HECTD4: variants seen among roughly 807,000 people sequenced by gnomAD.
The protein encoded by HECTD4 is HECT domain E3 ubiquitin protein ligase 4.
HECTD4 carries 114 observed loss-of-function variants against 471.5 expected under a neutral mutation model. The ratio of observed to expected loss-of-function variants is 0.24; its 90% CI spans 0.21 to 0.28. HECTD4 has a LOEUF of 0.28. HECTD4 is among the 10% of genes least tolerant of loss of function. HECTD4 has a pLI of 1.00. For missense variants in HECTD4, 3,866 were observed against 5,651.5 expected, an observed-to-expected ratio of 0.68 and a Z score of 10.13; for synonymous variants, 2,012 against 2,256.0, an observed-to-expected ratio of 0.89 and a Z score of 3.07.
At chr12:112,182,947 T>C (rs1009443013) in intron 62 of HECTD4, 112 bp downstream of exon 62, 1 of 746,128 alleles carries the variant, frequency 1.3e-6, no homozygotes, top group Non-Finnish European at 2.2e-6. Context: ...ATGCAAGATG[T>C]TAAAAATAGG....
intron 7 of HECTD4, among the ~76,000 whole-genome samples, chr12:112,286,166 A>C (rs1337045121): frequency 1.3e-5 from 2 of 152,248 alleles, no homozygotes; most frequent in Non-Finnish European, 2.9e-5. Flanking sequence ...TCCCTACTTT[A>C]GCAAAGGCGC....
chr12:112,278,410 T>A (rs2034569723), intron 9 of HECTD4, among the ~76,000 whole-genome samples: 1 of 152,226 alleles, frequency 6.6e-6, no homozygotes, highest in Admixed American at 6.5e-5. Flanking sequence ...TTATCCCATT[T>A]AACTATGTGT....
intron 1 of HECTD4, among the ~76,000 whole-genome samples, chr12:112,365,957 G>T (rs1053632078): frequency 1.3e-5 from 2 of 151,762 alleles, no homozygotes; most frequent in Admixed American, 1.3e-4. Flanking sequence ...TGTATTTTTA[G>T]TAGAGACCGG....
Position 112,184,763 on chromosome 12 carries a change from G to A in HECTD4, c.10203C>T (p.Ile3401=). The A allele has an allele frequency of 6.2e-7, 1 of 1,611,676 alleles. No individual in the cohort carries two copies. The highest frequency in any genetic ancestry group is 8.5e-7 in the Non-Finnish European group (1 of 1,178,344). The change falls in exon 61 of 76, where the codon ATC becomes ATT. Residue 3401 remains isoleucine, a synonymous_variant. Transcript: ENST00000682272. This position sits in a 1 kb window ranked among gnomAD's most constrained non-coding sequence, Gnocchi z 9.1. ...CGTCCAGGTGGGTGGGGATCCCGGA[G>A]ATCACCAGCAAGCGGCTGTGGGCGG... ...GPTAHSRLLV[I]SGIPTHLDEG...
intron 7 of HECTD4, among the ~76,000 whole-genome samples, chr12:112,293,703 G>A (rs73207641): frequency 0.087 from 13,282 of 152,230 alleles, 794 homozygotes; most frequent in South Asian, 0.31. Context: ...TGCTCCGTCC[G>A]TGGAAGGATG....
At chr12:112,359,674 C>T (rs1050503038) in intron 1 of HECTD4, among the ~76,000 whole-genome samples, 6 of 152,082 alleles carry the variant, frequency 3.9e-5, no homozygotes, top group Admixed American at 3.3e-4. Context: ...TCACCTTGGC[C>T]TCCCAAAGTG....
chr12:112,185,362 C>A lies in HECTD4; in HGVS notation c.9604G>T (p.Ala3202Ser). ...RHPAGLSSSI[A>S]LQLNPCLAML... is the part of the protein sequence containing the mutation. ...GCCAGGCAGGGGTTCAGCTGGAGGG[C>A]GATTGAGGAGGACAGGCCAGCGGGG... The change falls in exon 61 of 76, where the codon GCC becomes TCC. Residue 3202 changes from alanine (A) to serine (S), a missense_variant. Around this residue, in one of 16 missense-constraint regions of HECTD4, gnomAD observed 364 missense variants for 413.2 expected, o/e 0.88. Coordinates refer to ENST00000682272, the MANE Select transcript of HECTD4 (RefSeq NM_001388303.1). The A allele has an allele frequency of 6.2e-7, 1 of 1,607,626 alleles. No individual in the cohort carries two copies. Among genetic ancestry groups the A allele is most frequent in the Non-Finnish European group, 8.5e-7 (1 of 1,177,502 alleles).
Position 112,313,081 on chromosome 12 carries a change from T to A in HECTD4, c.852A>T (p.Ser284=). ...SCLLGGKHIV[S]WGYEDMLPAP... Reference sequence around the variant, plus strand: ...CAGGCAACATGTCTTCATAACCCCATGATACTATGTGTTTGCCCCCAAGCA... The same window carrying A: ...CAGGCAACATGTCTTCATAACCCCAAGATACTATGTGTTTGCCCCCAAGCA... The change falls in exon 4 of 76, where the codon TCA becomes TCT. Residue 284 remains serine (S), a synonymous_variant. Transcript: ENST00000682272. 6.5e-7 allele frequency: 1 copy of A among 1,535,782 alleles called. No individual in the cohort carries two copies. The highest frequency in any genetic ancestry group is 1.2e-5 in the South Asian group (1 of 84,058).
At chr12:112,376,456 C>T (rs1339181175) in intron 1 of HECTD4, among the ~76,000 whole-genome samples, 2 of 152,150 alleles carry the variant, frequency 1.3e-5, no homozygotes, top group African/African-American at 4.8e-5. Flanking sequence ...CCGTGTTAGC[C>T]AGGATGGTCT....
chr12:112,267,767 C>A (rs1454271814), intron 13 of HECTD4, among the ~76,000 whole-genome samples: 2 of 152,170 alleles, frequency 1.3e-5, no homozygotes, highest in Non-Finnish European at 2.9e-5. Flanking sequence ...CAAATGGCAT[C>A]AGAATCTTTT....
At position 112,381,116 on chromosome 12, in the gene HECTD4, TA is replaced by T. The variant is rs1394889076; in HGVS notation, c.177+835del. ...ACGACACTGCCAGTATTCCCACCTC[TA>T]GGCAAACACGAACCCAAGTGAAGTC... On this transcript the variant is annotated intron_variant, in intron 1 of 75. Transcript: ENST00000682272. This position sits in a 1 kb window ranked among gnomAD's most constrained non-coding sequence, Gnocchi z 4.1. Among the ~76,000 whole-genome samples, 2 of 152,152 alleles carry T rather than the reference TA, an allele frequency of 1.3e-5. No homozygotes were observed. Among genetic ancestry groups the T allele is most frequent in the Non-Finnish European group, 2.9e-5 (2 of 68,028 alleles).
In HECTD4 at chr12:112,169,609, C is replaced by T. The variant is rs1157397069; in HGVS notation, c.12102G>A (p.Gln4034=). 1.2e-6 allele frequency: 2 copies of T among 1,613,488 alleles called. No individual in the cohort carries two copies. Among genetic ancestry groups the T allele is most frequent in the Admixed American group, 1.7e-5 (1 of 60,008 alleles). The part of the protein sequence containing the change: ...ENSYFCQAAR[Q]LASVPSSQLC... ...GCTGAGACGACGGCACTGAGGCCAG[C>T]TGCCTGGCAGCCTGACAGAAGTAGG... The change falls in exon 70 of 76, where the codon CAG becomes CAA. Residue 4034 remains glutamine (Q), a synonymous_variant. Transcript: ENST00000682272.
intron 8 of HECTD4, among the ~76,000 whole-genome samples, chr12:112,282,389 C>T (rs550509516): frequency 1.3e-5 from 2 of 151,112 alleles, no homozygotes; most frequent in East Asian, 1.9e-4. Context: ...TCTCAAAAAA[C>T]AAAAACAAAA....
At chr12:112,168,356 T>C (rs2031066332) in intron 70 of HECTD4, among the ~76,000 whole-genome samples, 1 of 152,188 alleles carries the variant, frequency 6.6e-6, no homozygotes, top group East Asian at 1.9e-4. Flanking sequence ...CCTCCCCCAG[T>C]GCCCGGGCTC....
intron 60 of HECTD4, among the ~76,000 whole-genome samples, chr12:112,186,763 G>T (rs937291647): frequency 2.0e-5 from 3 of 151,584 alleles, no homozygotes. Flanking sequence ...CGCCTCCCAG[G>T]TTCAAGCAAT....
At chr12:112,212,677 A>T in intron 48 of HECTD4, 27 bp from the exon 49 acceptor site, 2 of 1,568,912 alleles carry the variant, frequency 1.3e-6, no homozygotes, top group South Asian at 2.3e-5. Context: ...GAAGGAAAAC[A>T]TATTTTCTCC....
intron 4 of HECTD4, among the ~76,000 whole-genome samples, chr12:112,312,520 TAAA>T (rs912574923): frequency 3.3e-5 from 5 of 152,344 alleles, no homozygotes; most frequent in African/African-American, 9.6e-5. Flanking sequence ...TGTAATACTG[TAAA>T]GCTCTGTAAA....
chr12:112,261,173 C>A, intron 18 of HECTD4, 132 bp downstream of exon 18: 2 of 959,336 alleles, frequency 2.1e-6, no homozygotes, highest in Non-Finnish European at 2.9e-6. Flanking sequence ...AAACACTTGC[C>A]CTTTTAGCCT....
chr12:112,232,931 T>C (rs2033417514), intron 38 of HECTD4, 73 bp downstream of exon 38: 2 of 1,350,116 alleles, frequency 1.5e-6, no homozygotes, highest in Admixed American at 2.0e-5. Flanking sequence ...TTTTCTTAAT[T>C]TGTTCTGAAA....
Sources: gnomAD v4.1 joint callset for allele counts (sites outside exome capture counted in the v4.1 genomes callset) on GRCh38, gnomAD v4.1.1 for gene constraint, gnomAD v4.1.1 regional missense constraint, Gnocchi (gnomAD v3.1) non-coding constraint, MANE v1.5 for transcripts, NCBI Gene and HGNC (gene_info 2026-07-23, HGNC 2026-07-21) for gene names.